The following UBE2R2 variants were observed in gnomAD, a reference collection of about 807,000 sequenced individuals.
UBE2R2 encodes ubiquitin conjugating enzyme E2 R2, also known as ubiquitin-conjugating enzyme E2 R2.
In UBE2R2, 1 loss-of-function variant was observed where a neutral mutation model predicts 27.8. The ratio of observed to expected loss-of-function variants is 0.04; its 90% CI spans 0.01 to 0.17. The LOEUF is 0.17. Among genes scored for constraint, UBE2R2 ranks in the 10% least tolerant of loss-of-function variants. The probability of loss-of-function intolerance (pLI) is 1.00; values close to 1 mark genes in which losing one functional copy is unlikely to be tolerated. For missense variants in UBE2R2, 100 were observed against 291.0 expected (o/e 0.34, Z 4.78); for synonymous variants, 106 against 113.3 (o/e 0.94, Z 0.41).
chr9:33,917,790 C>G lies in UBE2R2; in HGVS notation c.*553C>G, dbSNP rs1822689360. On this transcript the variant is annotated 3_prime_UTR_variant, in exon 5 of 5. Coordinates refer to ENST00000263228, the MANE Select transcript of UBE2R2 (RefSeq NM_017811.4). The stretch of plus-strand genomic sequence containing the variant: ...TCGTTCAGCCCCATGGTGGTGAATT[C>G]TGTTTCTTTCCTTTCCTAAGGCTGG... 6.5e-6 allele frequency: 1 copy of G among 154,924 alleles called. No individual in the cohort carries two copies. Among genetic ancestry groups the G allele is most frequent in the South Asian group, 2.1e-4 (1 of 4,856 alleles). 9.6% of individuals were successfully genotyped at this position (154,924 alleles called of 1,614,324 possible).
At chr9:33,853,774 ATTTTT>A (rs749498528) in intron 1 of UBE2R2, among the ~76,000 whole-genome samples, 1 of 112,266 alleles carries the variant, frequency 8.9e-6, no homozygotes, top group Non-Finnish European at 1.8e-5. Flanking sequence ...CTTCCTTCCA[ATTTTT>A]TTTTTTTTTT....
chr9:33,842,421 G>T (rs1426426575), intron 1 of UBE2R2, among the ~76,000 whole-genome samples: 2 of 152,018 alleles, frequency 1.3e-5, no homozygotes, highest in Admixed American at 6.6e-5. Context: ...CCACCAATTT[G>T]TATTGACAAA....
At chr9:33,832,750 C>T (rs1820523162) in intron 1 of UBE2R2, among the ~76,000 whole-genome samples, 2 of 150,844 alleles carry the variant, frequency 1.3e-5, no homozygotes, top group South Asian at 4.2e-4. Context: ...TTAATGCTCT[C>T]AGAATCAAAA....
upstream of UBE2R2, among the ~76,000 whole-genome samples, chr9:33,817,152 C>T (rs1195732594): frequency 6.6e-6 from 1 of 150,416 alleles, no homozygotes; most frequent in African/African-American, 2.4e-5. Context: ...CTCCCTCCCT[C>T]CCTCCCTGCT....
At chr9:33,829,859 A>G (rs1484690319) in intron 1 of UBE2R2, among the ~76,000 whole-genome samples, 1 of 147,492 alleles carries the variant, frequency 6.8e-6, no homozygotes, top group Non-Finnish European at 1.5e-5. Context: ...GCAGTGGCAC[A>G]ATCTCGGCTC....
At chr9:33,834,440 G>C (rs1158582027) in intron 1 of UBE2R2, among the ~76,000 whole-genome samples, 4 of 151,718 alleles carry the variant, frequency 2.6e-5, no homozygotes, top group African/African-American at 9.7e-5. Context: ...TCGCACTCCT[G>C]ACCTTAGGTG....
intron 1 of UBE2R2, among the ~76,000 whole-genome samples, chr9:33,853,103 G>A (rs1821004679): frequency 6.6e-6 from 1 of 152,052 alleles, no homozygotes; most frequent in African/African-American, 2.4e-5. Flanking sequence ...GAGAAACCAT[G>A]TGGATGATTT....
At chr9:33,877,198 T>C (rs1821624092) in intron 1 of UBE2R2, among the ~76,000 whole-genome samples, 3 of 123,940 alleles carry the variant, frequency 2.4e-5, no homozygotes, top group Non-Finnish European at 5.2e-5. Flanking sequence ...TTTTTTTTTT[T>C]TGAGACGGAG....
At chr9:33,857,405 A>ACCT (rs1242426109) in intron 1 of UBE2R2, among the ~76,000 whole-genome samples, 2 of 151,754 alleles carry the variant, frequency 1.3e-5, no homozygotes, top group African/African-American at 4.8e-5. Flanking sequence ...TACAACCTCC[A>ACCT]CCTCCCAGGT....
intron 1 of UBE2R2, among the ~76,000 whole-genome samples, chr9:33,885,018 T>C (rs534298844): frequency 6.6e-5 from 10 of 152,334 alleles, no homozygotes; most frequent in African/African-American, 2.2e-4. Flanking sequence ...GGTCAGGTAA[T>C]GATTGAACAG....
At chr9:33,889,571 A>G (rs1041364298) in intron 2 of UBE2R2, among the ~76,000 whole-genome samples, 1 of 152,090 alleles carries the variant, frequency 6.6e-6, no homozygotes, top group East Asian at 1.9e-4. Context: ...GACCATAACA[A>G]TGTCCCTGTC....
intron 1 of UBE2R2, among the ~76,000 whole-genome samples, chr9:33,848,726 C>T (rs969691198): frequency 6.6e-6 from 1 of 151,754 alleles, no homozygotes; most frequent in African/African-American, 2.4e-5. Flanking sequence ...CTTAGCCTCC[C>T]GAATAGCTGA....
intron 1 of UBE2R2, among the ~76,000 whole-genome samples, chr9:33,843,147 G>A (rs1027865214): frequency 6.6e-6 from 1 of 150,810 alleles, no homozygotes; most frequent in African/African-American, 2.4e-5. Flanking sequence ...TCCTGGGGGT[G>A]AAGCGATTCT....
intron 1 of UBE2R2, among the ~76,000 whole-genome samples, chr9:33,870,630 C>CA (rs956766625): frequency 1.3e-5 from 2 of 152,058 alleles, no homozygotes; most frequent in African/African-American, 4.8e-5. Flanking sequence ...TTCAAGAAGA[C>CA]AAAATGATAA....
chr9:33,885,425 G>A (rs573315898), intron 1 of UBE2R2, among the ~76,000 whole-genome samples: 1 of 152,196 alleles, frequency 6.6e-6, no homozygotes, highest in African/African-American at 2.4e-5. Flanking sequence ...TTTCAACAAA[G>A]CTGCCAGGGA....
chr9:33,818,081 G>A (rs564404388), intron 1 of UBE2R2, 147 bp downstream of exon 1: 3 of 962,346 alleles, frequency 3.1e-6, no homozygotes, highest in African/African-American at 3.5e-5. Flanking sequence ...CATCCCTGGA[G>A]GCAGGAAGGC....
At chr9:33,818,899 G>A (rs1189077800) in intron 1 of UBE2R2, 7 of 152,120 alleles carry the variant, frequency 4.6e-5, no homozygotes, top group Non-Finnish European at 1.0e-4. Flanking sequence ...CATTGTTTCT[G>A]TTGTTTTATA....
chr9:33,825,391 C>T (rs2130716920), intron 1 of UBE2R2, among the ~76,000 whole-genome samples: 1 of 152,046 alleles, frequency 6.6e-6, no homozygotes, highest in South Asian at 2.1e-4. Context: ...CAGGCGTGTG[C>T]CACCATGCCA....
At chr9:33,888,096 A>G (rs560832901) in intron 2 of UBE2R2, among the ~76,000 whole-genome samples, 2 of 152,338 alleles carry the variant, frequency 1.3e-5, no homozygotes, top group South Asian at 2.1e-4. Context: ...TATGATTTCT[A>G]TTTTTAAAAA....
Sources: gnomAD v4.1 joint callset for allele counts (sites outside exome capture counted in the v4.1 genomes callset) on GRCh38, gnomAD v4.1.1 for gene constraint, MANE v1.5 for transcripts, NCBI Gene and HGNC (gene_info 2026-07-23, HGNC 2026-07-21) for gene names.